The following AKIP1 variants were observed in gnomAD, a reference collection of about 807,000 sequenced individuals.
AKIP1 encodes the protein A-kinase interacting protein 1, also known as A-kinase-interacting protein 1.
In AKIP1, 18 loss-of-function variants were observed where a neutral mutation model predicts 22.3. The ratio of observed to expected loss-of-function variants is 0.81; its 90% confidence interval spans 0.56 to 1.19. The LOEUF is 1.19. Ranked by LOEUF, AKIP1 falls within the 50% of genes most tolerant of loss-of-function variation. The probability of loss-of-function intolerance (pLI) is 0.00; values close to 1 mark genes in which losing one functional copy is unlikely to be tolerated. For missense variants in AKIP1, 287 were observed against 264.6 expected (o/e 1.08, Z -0.59); for synonymous variants, 120 against 102.7 (o/e 1.17, Z -1.02).
intron 3 of AKIP1, among the ~76,000 whole-genome samples, chr11:8,913,203 C>T: frequency 7.7e-6 from 1 of 129,244 alleles, no homozygotes; most frequent in Non-Finnish European, 1.6e-5. Context: ...TTAATTGAGA[C>T]AGAGTCTCAC....
intron 1 of AKIP1, 97 bp downstream of exon 1, chr11:8,911,320 T>C (rs1038821429): frequency 2.4e-6 from 2 of 834,996 alleles, no homozygotes; most frequent in Non-Finnish European, 3.7e-6. Context: ...GGAGTGTGCG[T>C]TGGGGGCGGA....
In AKIP1 at chr11:8,912,493, C is replaced by T; in HGVS notation, c.263C>T (p.Thr88Ile). The change falls in exon 3 of 6, where the codon ACA (threonine) becomes ATA (isoleucine). Residue 88 changes from threonine (T) to isoleucine (I), a missense_variant. By Grantham distance (89) the Thr-to-Ile change is moderately conservative. Transcript: ENST00000309377. ...RPPTLSASFR[T>I]MAEFMDYTSS... ...CCAACCCTTAGTGCTTCCTTCAGAA[C>T]AATGGCTGAATTCATGGACTATACT... The T allele has an allele frequency of 1.2e-6, 2 of 1,614,142 alleles. No individual in the cohort carries two copies. The highest frequency in any genetic ancestry group is 1.7e-6 in the Non-Finnish European group (2 of 1,179,988).
intron 2 of AKIP1, among the ~76,000 whole-genome samples, chr11:8,912,198 CAAAAAAAAA>C (rs57540447): frequency 1.1e-4 from 9 of 79,642 alleles, no homozygotes; most frequent in Admixed American, 1.4e-4. Flanking sequence ...ACCTCCGTCT[CAAAAAAAAA>C]AAAAAAAAAA....
At chr11:8,911,416 G>A (rs748337428) in intron 1 of AKIP1, 28 bp from the exon 2 acceptor site, 32 of 1,538,076 alleles carry the variant, frequency 2.1e-5, no homozygotes, top group Non-Finnish European at 2.6e-5. Context: ...CTGACCCGCC[G>A]GCGTTTGTAC....
chr11:8,917,066 C>T (rs749893153), intron 4 of AKIP1, among the ~76,000 whole-genome samples: 18 of 152,174 alleles, frequency 1.2e-4, no homozygotes, highest in Non-Finnish European at 1.9e-4. Context: ...TAAACTCAGG[C>T]GTGGCTGATT....
intron 3 of AKIP1, among the ~76,000 whole-genome samples, chr11:8,913,904 A>G (rs777445192): frequency 7.9e-5 from 12 of 152,210 alleles, no homozygotes; most frequent in Non-Finnish European, 1.5e-4. Context: ...AAAAGGAATA[A>G]TATTTGTCTT....
intron 5 of AKIP1, 40 bp from the exon 6 acceptor site, chr11:8,919,297 A>G: frequency 2.5e-6 from 4 of 1,593,032 alleles, no homozygotes; most frequent in Non-Finnish European, 3.4e-6. Flanking sequence ...GCACTGGGGT[A>G]TAAAATCTCT....
rs758464805 is a variant in AKIP1 at position 8,911,667 on chromosome 11, G to A, written c.218G>A (p.Gly73Glu). 11 of 1,548,820 alleles carry A rather than the reference G, an allele frequency of 7.1e-6. No individual in the cohort carries two copies. Among genetic ancestry groups the A allele is most frequent in the Non-Finnish European group, 9.6e-6 (11 of 1,150,428 alleles). Reference protein sequence around the residue: ...PAAGPQRVLPGEREERPPTLS... With the variant: ...PAAGPQRVLPEEREERPPTLS... ...GCCGGCCCGCAGCGCGTTCTCCCGGGAGAGGTGAGGGTCGCTGTGCCGGGG... is the reference window on the plus strand; with the variant it reads ...GCCGGCCCGCAGCGCGTTCTCCCGGAAGAGGTGAGGGTCGCTGTGCCGGGG... The change falls in exon 2 of 6, where the codon GGA (glycine) becomes GAA (glutamate). Residue 73 changes from glycine to glutamate, a missense_variant. By Grantham distance (98) the Gly-to-Glu change is moderately conservative. Coordinates refer to ENST00000309377, the MANE Select transcript of AKIP1 (RefSeq NM_020642.4).
intron 4 of AKIP1, among the ~76,000 whole-genome samples, chr11:8,915,357 T>C (rs2653575): frequency 0.37 from 19,574 of 52,262 alleles, 2,939 homozygotes; most frequent in Non-Finnish European, 0.49. Flanking sequence ...ATTTTTTTTT[T>C]CTTTTTTTTT....
At position 8,914,849 on chromosome 11, in the gene AKIP1, G is replaced by A; in HGVS notation, c.327G>A (p.Glu109=). 2.5e-6 allele frequency: 4 copies of A among 1,613,170 alleles called. No homozygotes were observed. The highest frequency in any genetic ancestry group is 3.4e-6 in the Non-Finnish European group (4 of 1,179,248). ...QCGKYYSSVP[E]EGGATHVYRY... ...AGAAATATTATTCATCTGTGCCAGAGGAAGGAGGGGCAACCCATGTCTATC... is the reference window on the plus strand; with the variant it reads ...AGAAATATTATTCATCTGTGCCAGAAGAAGGAGGGGCAACCCATGTCTATC... The change falls in exon 4 of 6, where the codon GAG becomes GAA. Residue 109 remains glutamate, a synonymous_variant. Coordinates refer to ENST00000309377, the MANE Select transcript of AKIP1 (RefSeq NM_020642.4).
chr11:8,912,044 A>G (rs926994953), intron 2 of AKIP1, among the ~76,000 whole-genome samples: 3 of 151,864 alleles, frequency 2.0e-5, no homozygotes, highest in African/African-American at 7.3e-5. Flanking sequence ...CTAAAAATAC[A>G]AAATTAGCCG....
Position 8,917,314 on chromosome 11 carries a change from G to A in AKIP1, c.436G>A (p.Gly146Ser), listed in dbSNP as rs1463270590. ...AAAAGACAGAAAAAAGACATCCCTT[G>A]GTCCTGGAGGCAGCTATCAAATATC... Reference protein sequence around the residue: ...QRKDRKKTSLGPGGSYQISEH... With the variant: ...QRKDRKKTSLSPGGSYQISEH... The change falls in exon 5 of 6, where the codon GGT becomes AGT. Residue 146 changes from glycine to serine, a missense_variant. Physicochemically the swap from Gly to Ser is moderately conservative, Grantham distance 56. Coordinates refer to ENST00000309377, the MANE Select transcript of AKIP1 (RefSeq NM_020642.4). The A allele has an allele frequency of 1.2e-6, 2 of 1,611,000 alleles. No homozygotes were observed. Among genetic ancestry groups the A allele is most frequent in the East Asian group, 2.2e-5 (1 of 44,824 alleles).
intron 3 of AKIP1, among the ~76,000 whole-genome samples, chr11:8,913,422 G>A (rs554452475): frequency 1.3e-5 from 2 of 151,482 alleles, no homozygotes; most frequent in Admixed American, 6.6e-5. Flanking sequence ...GCCTGACCTC[G>A]AGGGATCCGC....
At chr11:8,914,317 C>G (rs1009065194) in intron 3 of AKIP1, among the ~76,000 whole-genome samples, 3 of 152,252 alleles carry the variant, frequency 2.0e-5, no homozygotes, top group African/African-American at 4.8e-5. Context: ...TCTCCCTCCA[C>G]TCCCCCACGC....
At position 8,919,883 on chromosome 11, in the gene AKIP1, C is replaced by T. The variant is rs1462410207; in HGVS notation, c.*403C>T. The T allele has an allele frequency of 5.8e-6, 1 of 173,576 alleles. No homozygotes were observed. The highest frequency in any genetic ancestry group is 2.4e-5 in the African/African-American group (1 of 41,892). The allele number at this position is 173,576 out of a possible 1,614,324, so 10.8% of individuals were successfully genotyped here. A position where few individuals can be genotyped will look rare whatever the true frequency, so the allele number is the denominator to read the frequency against. On this transcript the variant is annotated 3_prime_UTR_variant, in exon 6 of 6. Transcript: ENST00000309377. ...CGATCTCTTGACCTCGTGATCCACC[C>T]ACCTTGGCCTCCCAAAGTGTTGGGA... is the stretch of plus-strand genomic sequence containing the variant.
intron 3 of AKIP1, among the ~76,000 whole-genome samples, chr11:8,913,616 G>T (rs2064434414): frequency 6.6e-6 from 1 of 152,198 alleles, no homozygotes; most frequent in South Asian, 2.1e-4. Context: ...TTAACACTTG[G>T]TGAGTCCTAC....
At chr11:8,913,215 C>T (rs2064427233) in intron 3 of AKIP1, among the ~76,000 whole-genome samples, 2 of 147,498 alleles carry the variant, frequency 1.4e-5, no homozygotes, top group East Asian at 2.0e-4. Flanking sequence ...GAGTCTCACT[C>T]CATCACCCAG....
chr11:8,919,792 A>ACG lies in AKIP1; in HGVS notation c.*312_*313insCG. 1 of 215,788 alleles carries ACG rather than the reference A, an allele frequency of 4.6e-6. No homozygotes were observed. Among genetic ancestry groups the ACG allele is most frequent in the Non-Finnish European group, 9.2e-6 (1 of 108,130 alleles). The allele number at this position is 215,788 out of a possible 1,614,324, so 13.4% of individuals were successfully genotyped here. A position where few individuals can be genotyped will look rare whatever the true frequency, so the allele number is the denominator to read the frequency against. On this transcript the variant is annotated 3_prime_UTR_variant, in exon 6 of 6. Transcript: ENST00000309377. Reference sequence around the variant, plus strand: ...GCTGGCACTACAGGCACCCGCCACCATGCCCGGCTATTTTTTTTGTATTTT... The same window carrying ACG: ...GCTGGCACTACAGGCACCCGCCACCACGTGCCCGGCTATTTTTTTTGTATTTT...
At chr11:8,919,242 A>G (rs2064536322) in intron 5 of AKIP1, 95 bp from the exon 6 acceptor site, 1 of 1,249,696 alleles carries the variant, frequency 8.0e-7, no homozygotes, top group Admixed American at 2.2e-5. Context: ...GCTTCATTCC[A>G]TCACACCTCT....
Sources: allele counts gnomAD v4.1 joint callset (sites outside exome capture counted in the v4.1 genomes callset), GRCh38; gene constraint gnomAD v4.1.1; transcripts MANE v1.5; gene names NCBI Gene and HGNC (gene_info 2026-07-23, HGNC 2026-07-21).